Variants in DCC observed in about 807,000 individuals in gnomAD.
The protein encoded by DCC is netrin receptor DCC.
A neutral mutation model predicts 172.5 loss-of-function variants in DCC; 58 were observed. The observed-to-expected ratio is 0.34, with a 90% CI of 0.27 to 0.42. The LOEUF (loss-of-function observed/expected upper bound fraction) is 0.42, where lower values mean the gene tolerates loss of function less well. Ranked by LOEUF, DCC falls within the 10% of genes least tolerant of loss-of-function variation. The pLI, the probability that DCC is intolerant of heterozygous loss-of-function variation, is 1.00. For synonymous variants in DCC, 709 were observed against 644.5 expected, an observed-to-expected ratio of 1.10 and a Z score of -1.52; for missense variants, 1,740 against 1,791.0, an observed-to-expected ratio of 0.97 and a Z score of 0.51.
intron 1 of DCC, among the ~76,000 whole-genome samples, chr18:52,443,494 G>A (rs921134585): frequency 3.9e-5 from 6 of 152,162 alleles, no homozygotes; most frequent in African/African-American, 1.4e-4. Flanking sequence ...GCATAACTCT[G>A]CTCGATAAAG....
chr18:53,093,914 CCTGTTTCCTGG>C (rs1370604319), intron 7 of DCC, among the ~76,000 whole-genome samples: 10 of 152,170 alleles, frequency 6.6e-5, no homozygotes, highest in Admixed American at 3.9e-4. Flanking sequence ...CTGCTTAACT[CCTGTTTCCTGG>C]CTGTTTCCTT....
intron 2 of DCC, among the ~76,000 whole-genome samples, chr18:52,828,997 T>A (rs1362212152): frequency 6.6e-6 from 1 of 152,224 alleles, no homozygotes; most frequent in Non-Finnish European, 1.5e-5. Flanking sequence ...TAATGAAATA[T>A]GATTTTGTTT....
chr18:53,132,279 T>C (rs1598834175), intron 7 of DCC, among the ~76,000 whole-genome samples: 2 of 152,034 alleles, frequency 1.3e-5, no homozygotes, highest in African/African-American at 4.8e-5. Context: ...ATACAAATAG[T>C]CTCACCCTTG....
At chr18:53,291,672 C>T (rs1387890221) in intron 12 of DCC, among the ~76,000 whole-genome samples, 1 of 152,096 alleles carries the variant, frequency 6.6e-6, no homozygotes, top group Non-Finnish European at 1.5e-5. Flanking sequence ...GTTCCTACAT[C>T]AAATATATTA....
intron 5 of DCC, among the ~76,000 whole-genome samples, chr18:53,048,732 A>G (rs1315510305): frequency 6.6e-6 from 1 of 151,550 alleles, no homozygotes; most frequent in Non-Finnish European, 1.5e-5. Flanking sequence ...TGCTAAGTCA[A>G]ACGGCAATTC....
At chr18:52,446,900 CCA>C (rs1430423822) in intron 1 of DCC, among the ~76,000 whole-genome samples, 21 of 152,104 alleles carry the variant, frequency 1.4e-4, no homozygotes, top group African/African-American at 5.1e-4. Context: ...GGCATAATGC[CCA>C]GAGAGACATT....
chr18:52,527,686 T>C (rs548548182), intron 1 of DCC, among the ~76,000 whole-genome samples: 2 of 152,360 alleles, frequency 1.3e-5, no homozygotes, highest in Admixed American at 6.5e-5. Flanking sequence ...CTATCACTAT[T>C]TTATTTTTGG....
At chr18:52,865,446 A>G (rs545832486) in intron 2 of DCC, among the ~76,000 whole-genome samples, 1 of 151,948 alleles carries the variant, frequency 6.6e-6, no homozygotes. Context: ...ACTAATTTAC[A>G]CTCCCACCAA....
intron 7 of DCC, among the ~76,000 whole-genome samples, chr18:53,128,908 T>C (rs2043611185): frequency 6.9e-6 from 1 of 144,448 alleles, no homozygotes; most frequent in African/African-American, 2.6e-5. Context: ...TATATATTAT[T>C]TGGAGTCTTG....
At chr18:52,972,145 G>C (rs2041040018) in intron 5 of DCC, among the ~76,000 whole-genome samples, 1 of 152,142 alleles carries the variant, frequency 6.6e-6, no homozygotes, top group South Asian at 2.1e-4. Context: ...AAATATCCTG[G>C]TAGATGTCTG....
intron 12 of DCC, among the ~76,000 whole-genome samples, chr18:53,241,227 G>C (rs1159046531): frequency 6.6e-6 from 1 of 152,140 alleles, no homozygotes. Flanking sequence ...TGACTGTCAA[G>C]GGCTAGGCTA....
At chr18:53,432,004 A>G (rs1911648774) in intron 21 of DCC, among the ~76,000 whole-genome samples, 1 of 152,196 alleles carries the variant, frequency 6.6e-6, no homozygotes, top group Non-Finnish European at 1.5e-5. Context: ...TTAAAAATTT[A>G]GTATGATATG....
At chr18:53,366,030 A>G (rs899857429) in intron 15 of DCC, among the ~76,000 whole-genome samples, 4 of 151,908 alleles carry the variant, frequency 2.6e-5, no homozygotes, top group Non-Finnish European at 5.9e-5. Context: ...ACCAGCTATA[A>G]GCTGTTTGCT....
intron 2 of DCC, among the ~76,000 whole-genome samples, chr18:52,805,664 T>A (rs2038072047): frequency 6.6e-6 from 1 of 152,256 alleles, no homozygotes; most frequent in African/African-American, 2.4e-5. Context: ...CTACTTTCAG[T>A]AAAGTCTACC....
intron 1 of DCC, among the ~76,000 whole-genome samples, chr18:52,431,353 A>G (rs1441490853): frequency 1.3e-5 from 2 of 152,152 alleles, no homozygotes; most frequent in African/African-American, 4.8e-5. Context: ...AAAGATCAGC[A>G]TTCACTTTCT....
At chr18:53,479,362 T>G (rs1430738328) in intron 25 of DCC, among the ~76,000 whole-genome samples, 5 of 152,232 alleles carry the variant, frequency 3.3e-5, no homozygotes, top group Admixed American at 3.3e-4. Flanking sequence ...CAATTCATTA[T>G]GCATTATGCA....
intron 2 of DCC, among the ~76,000 whole-genome samples, chr18:52,848,849 A>G (rs1325573166): frequency 6.6e-6 from 1 of 152,200 alleles, no homozygotes; most frequent in Non-Finnish European, 1.5e-5. Flanking sequence ...GTGTTCAAAT[A>G]CCTTGTTTGG....
rs1909008042 is a variant in DCC, at chr18:53,397,222, C to G, written c.2689-86C>G. On this transcript the variant is annotated intron_variant, in intron 17 of 28. Transcript: ENST00000442544. Reference sequence around the variant, plus strand: ...TGGGAGTAGATTACTTTTGTGTTAGCTTATTTAATAGTCTTTTTATATGTC... The same window carrying G: ...TGGGAGTAGATTACTTTTGTGTTAGGTTATTTAATAGTCTTTTTATATGTC... The G allele has an allele frequency of 3.1e-6, 4 of 1,294,088 alleles. No individual in the cohort carries two copies. In the South Asian group the frequency reaches 4.8e-5, roughly 16 times the overall value. The allele number at this position is 1,294,088 out of a possible 1,614,324, so 80.2% of individuals were successfully genotyped here.
At chr18:52,826,635 C>T (rs2038515588) in intron 2 of DCC, among the ~76,000 whole-genome samples, 1 of 152,126 alleles carries the variant, frequency 6.6e-6, no homozygotes, top group Non-Finnish European at 1.5e-5. Context: ...TGAGCCACCA[C>T]ACTCAGCTAA....
Sources: allele counts gnomAD v4.1 joint callset (sites outside exome capture counted in the v4.1 genomes callset), GRCh38; gene constraint gnomAD v4.1.1; transcripts MANE v1.5; gene names NCBI Gene and HGNC (gene_info 2026-07-23, HGNC 2026-07-21).